The following CNTNAP5 variants were observed in gnomAD, a reference collection of about 807,000 sequenced individuals.
CNTNAP5 encodes the protein contactin-associated protein-like 5.
A neutral mutation model predicts 150.2 loss-of-function variants in CNTNAP5; 72 were observed. The ratio of observed to expected loss-of-function variants is 0.48; its 90% CI spans 0.40 to 0.58. The LOEUF is 0.58. Ranked by LOEUF, CNTNAP5 falls within the 20% of genes least tolerant of loss-of-function variation. The pLI is 0.00. For synonymous variants in CNTNAP5, 672 were observed against 619.8 expected, an observed-to-expected ratio of 1.08 and a Z score of -1.25; for missense variants, 1,636 against 1,626.2, an observed-to-expected ratio of 1.01 and a Z score of -0.10.
intron 13 of CNTNAP5, among the ~76,000 whole-genome samples, chr2:124,703,851 T>G (rs1410044998): frequency 2.0e-5 from 3 of 152,164 alleles, no homozygotes; most frequent in Non-Finnish European, 4.4e-5. Flanking sequence ...CAATGCCTGA[T>G]GACATCAGCC....
intron 7 of CNTNAP5, among the ~76,000 whole-genome samples, chr2:124,485,605 T>C (rs1225979277): frequency 3.6e-5 from 3 of 82,864 alleles, no homozygotes; most frequent in African/African-American, 1.9e-4. Context: ...ACAGAAAGAC[T>C]CTGTCTCAAA....
chr2:124,162,522 T>C (rs1573802233), intron 1 of CNTNAP5, among the ~76,000 whole-genome samples: 1 of 152,258 alleles, frequency 6.6e-6, no homozygotes, highest in East Asian at 1.9e-4. Flanking sequence ...TCATCCACAG[T>C]ATGCAGATAA....
rs529718330 is a variant in CNTNAP5, at chr2:124,691,034, A to G, written c.2077+43076A>G. ...AGAAGCCTTCAGCGTGAAGGCCCAA[A>G]GGTACAGGGGAAACTCCATTTTTAT... On this transcript the variant is annotated intron_variant, in intron 13 of 23. Coordinates refer to ENST00000682447, the MANE Select transcript of CNTNAP5 (RefSeq NM_001367498.1). Among the ~76,000 whole-genome samples, 34 of 152,218 alleles carry G rather than the reference A, an allele frequency of 2.2e-4. 1 individual carries two copies. The East Asian group carries it at 5.2e-3, about 23-fold the overall frequency.
chr2:124,906,534 T>C (rs567626520), intron 22 of CNTNAP5, among the ~76,000 whole-genome samples: 2 of 152,064 alleles, frequency 1.3e-5, no homozygotes, highest in Non-Finnish European at 2.9e-5. Context: ...CATGATGTGT[T>C]AGTAGGAAGA....
chr2:124,388,826 G>T (rs1691002051), intron 3 of CNTNAP5, among the ~76,000 whole-genome samples: 1 of 152,086 alleles, frequency 6.6e-6, no homozygotes, highest in Admixed American at 6.5e-5. Flanking sequence ...GATTGTGGGT[G>T]CCCATTGTCA....
At chr2:124,323,878 G>A (rs547551203) in intron 3 of CNTNAP5, among the ~76,000 whole-genome samples, 2 of 152,226 alleles carry the variant, frequency 1.3e-5, no homozygotes, top group East Asian at 3.9e-4. Context: ...GTGGGTGTGT[G>A]TGGATGTGTT....
intron 19 of CNTNAP5, among the ~76,000 whole-genome samples, chr2:124,863,533 C>T (rs1318615690): frequency 6.6e-6 from 1 of 152,236 alleles, no homozygotes; most frequent in South Asian, 2.1e-4. Flanking sequence ...TAGAGAGCTT[C>T]TCCTTCTGGC....
intron 19 of CNTNAP5, among the ~76,000 whole-genome samples, chr2:124,809,081 C>G (rs1237314452): frequency 6.6e-6 from 1 of 151,948 alleles, no homozygotes; most frequent in Non-Finnish European, 1.5e-5. Context: ...GAAATGTCCC[C>G]TCATTGAAAA....
intron 4 of CNTNAP5, among the ~76,000 whole-genome samples, chr2:124,419,154 A>AAAAAAAAAAC (rs1692015753): frequency 1.5e-5 from 1 of 65,392 alleles, no homozygotes; most frequent in Non-Finnish European, 2.7e-5. Flanking sequence ...AAAAAAAAAA[A>AAAAAAAAAAC]AAAAAAAAAC....
At chr2:124,837,154 G>T (rs1682845996) in intron 19 of CNTNAP5, among the ~76,000 whole-genome samples, 1 of 150,284 alleles carries the variant, frequency 6.7e-6, no homozygotes. Flanking sequence ...CTGGAGAAAA[G>T]ATAGGATTTT....
At chr2:124,565,359 C>T (rs964334720) in intron 11 of CNTNAP5, among the ~76,000 whole-genome samples, 32 of 152,026 alleles carry the variant, frequency 2.1e-4, no homozygotes, top group Non-Finnish European at 2.9e-5. Context: ...GTTCATACCA[C>T]AAAGGATAAA....
intron 12 of CNTNAP5, among the ~76,000 whole-genome samples, chr2:124,635,318 G>A (rs1326142222): frequency 2.0e-5 from 3 of 152,084 alleles, no homozygotes; most frequent in East Asian, 1.9e-4. Flanking sequence ...AACAGTATTC[G>A]GGAGGATAGT....
In CNTNAP5 at chr2:124,051,700, C is replaced by A. The variant is rs560146298; in HGVS notation, c.82+25968C>A. On this transcript the variant is annotated intron_variant, in intron 1 of 23. Coordinates refer to ENST00000682447, the MANE Select transcript of CNTNAP5 (RefSeq NM_001367498.1). The stretch of plus-strand genomic sequence containing the variant: ...GATAACCTGCACACATTCTCCTAGC[C>A]CCAGTTTGTTCACTTGCAAAATGGC... 5.9e-5 allele frequency among the ~76,000 whole-genome samples: 9 copies of A among 152,184 alleles called. No individual in the cohort carries two copies. The South Asian group carries it at 1.7e-3, about 28-fold the overall frequency.
chr2:124,314,639 T>G (rs957232963), intron 3 of CNTNAP5, among the ~76,000 whole-genome samples: 1 of 152,198 alleles, frequency 6.6e-6, no homozygotes. Flanking sequence ...ATATAATGCA[T>G]GCTTATTTTA....
intron 11 of CNTNAP5, among the ~76,000 whole-genome samples, chr2:124,594,049 T>C (rs1308791024): frequency 8.9e-6 from 1 of 112,136 alleles, no homozygotes; most frequent in African/African-American, 3.3e-5. Context: ...CTTTGTCAGA[T>C]GAGTAGGTTG....
At chr2:124,069,907 A>G (rs1177158977) in intron 1 of CNTNAP5, among the ~76,000 whole-genome samples, 3 of 152,208 alleles carry the variant, frequency 2.0e-5, no homozygotes, top group Non-Finnish European at 4.4e-5. Context: ...TAACAGTGTA[A>G]TTGTCGTATA....
At chr2:124,357,993 T>A (rs1410819056) in intron 3 of CNTNAP5, among the ~76,000 whole-genome samples, 2 of 150,018 alleles carry the variant, frequency 1.3e-5, no homozygotes, top group Non-Finnish European at 3.0e-5. Flanking sequence ...TGAGCAGTGG[T>A]TTGTAGTTCT....
At chr2:124,605,872 T>C (rs957336362) in intron 11 of CNTNAP5, among the ~76,000 whole-genome samples, 5 of 149,716 alleles carry the variant, frequency 3.3e-5, no homozygotes, top group Admixed American at 2.0e-4. Flanking sequence ...AGAATTATTA[T>C]ATTTAACTTT....
chr2:124,072,069 G>C (rs543727773), intron 1 of CNTNAP5, among the ~76,000 whole-genome samples: 3 of 152,098 alleles, frequency 2.0e-5, no homozygotes, highest in South Asian at 4.1e-4. Flanking sequence ...ATGCAAGCAT[G>C]GTTCAACATA....
Sources: allele counts gnomAD v4.1 joint callset (sites outside exome capture counted in the v4.1 genomes callset), GRCh38; gene constraint gnomAD v4.1.1; transcripts MANE v1.5; gene names NCBI Gene and HGNC (gene_info 2026-07-23, HGNC 2026-07-21).